Variants in CSMD3 observed in about 807,000 individuals in gnomAD.
CSMD3 encodes the protein CUB and Sushi multiple domains 3.
CSMD3 carries 177 observed loss-of-function variants against 435.2 expected under a neutral mutation model. That is an observed-to-expected ratio of 0.41 (90% confidence interval 0.36 to 0.46). CSMD3 has a LOEUF of 0.46. CSMD3 is among the 20% of genes least tolerant of loss of function. The probability of loss-of-function intolerance (pLI) is 0.34; values close to 1 mark genes in which losing one functional copy is unlikely to be tolerated. For missense variants in CSMD3, 4,265 were observed against 4,504.6 expected, an observed-to-expected ratio of 0.95 and a Z score of 1.52; for synonymous variants, 1,656 against 1,520.5, an observed-to-expected ratio of 1.09 and a Z score of -2.07.
intron 59 of CSMD3, among the ~76,000 whole-genome samples, chr8:112,273,924 T>C (rs1817768858): frequency 7.3e-6 from 1 of 137,132 alleles, no homozygotes; most frequent in South Asian, 2.3e-4. Flanking sequence ...TTTAGTGGTA[T>C]AGGTAACATA....
At chr8:113,098,257 T>A (rs1331504724) in intron 5 of CSMD3, among the ~76,000 whole-genome samples, 2 of 152,034 alleles carry the variant, frequency 1.3e-5, no homozygotes, top group African/African-American at 4.8e-5. Context: ...TACAAATTTT[T>A]AAAATAGCAT....
chr8:113,236,852 ACTAT>A (rs1365334408), intron 3 of CSMD3, among the ~76,000 whole-genome samples: 6 of 151,968 alleles, frequency 3.9e-5, no homozygotes, highest in Admixed American at 2.0e-4. Context: ...TACCTATTCA[ACTAT>A]CTATCTATTT....
chr8:112,924,282 A>G (rs1004258984), intron 9 of CSMD3, among the ~76,000 whole-genome samples: 1 of 152,310 alleles, frequency 6.6e-6, no homozygotes, highest in East Asian at 1.9e-4. Flanking sequence ...CCGAGTTTTC[A>G]TGGAGATGTT....
At chr8:112,762,401 A>T (rs1271848477) in intron 13 of CSMD3, among the ~76,000 whole-genome samples, 1 of 151,924 alleles carries the variant, frequency 6.6e-6, no homozygotes, top group East Asian at 1.9e-4. Flanking sequence ...GTTAAATGTG[A>T]TGGAGGATAT....
chr8:112,749,607 G>A (rs2077520985), intron 13 of CSMD3, among the ~76,000 whole-genome samples: 1 of 152,084 alleles, frequency 6.6e-6, no homozygotes, highest in Non-Finnish European at 1.5e-5. Context: ...CTTCAGACAT[G>A]AGGAGCACTC....
chr8:112,575,312 G>A (rs1324051834), intron 23 of CSMD3, among the ~76,000 whole-genome samples: 1 of 152,030 alleles, frequency 6.6e-6, no homozygotes, highest in Non-Finnish European at 1.5e-5. Flanking sequence ...ATAGACTCAC[G>A]TGTACCCTCT....
chr8:112,496,449 C>T (rs1821352289), intron 30 of CSMD3, among the ~76,000 whole-genome samples: 1 of 152,258 alleles, frequency 6.6e-6, no homozygotes. Flanking sequence ...AGCAATCCCA[C>T]TGCTAGTATA....
At position 112,587,817 on chromosome 8, in the gene CSMD3, T is replaced by A. The variant is rs906303725; in HGVS notation, c.3716-582A>T. Among the ~76,000 whole-genome samples the A allele has an allele frequency of 5.9e-5, 9 of 151,822 alleles. No homozygotes were observed. The East Asian group carries it at 1.7e-3, about 29-fold the overall frequency. ...AACAATAATTGTAACAAATTAGGGA[T>A]CTTTAGAAATTATATCACCTTTCTC... On this transcript the variant is annotated intron_variant, in intron 22 of 70. Transcript: ENST00000297405.
chr8:112,876,401 T>C (rs2081283003), intron 10 of CSMD3, among the ~76,000 whole-genome samples: 1 of 152,004 alleles, frequency 6.6e-6, no homozygotes, highest in Non-Finnish European at 1.5e-5. Context: ...CAGGCCAATA[T>C]CCCTGATGAA....
chr8:113,321,443 C>T (rs1381076479), intron 1 of CSMD3, among the ~76,000 whole-genome samples: 2 of 152,064 alleles, frequency 1.3e-5, no homozygotes, highest in African/African-American at 4.8e-5. Flanking sequence ...TATACACCTG[C>T]TCATCAAAGT....
intron 5 of CSMD3, among the ~76,000 whole-genome samples, chr8:113,061,603 A>C (rs1333534758): frequency 6.6e-6 from 1 of 152,102 alleles, no homozygotes; most frequent in East Asian, 1.9e-4. Flanking sequence ...TTTGTCATTA[A>C]ACTGTTTTGA....
At chr8:113,402,092 T>C (rs1358869164) in intron 1 of CSMD3, among the ~76,000 whole-genome samples, 1 of 151,544 alleles carries the variant, frequency 6.6e-6, no homozygotes, top group Non-Finnish European at 1.5e-5. Context: ...TAGGAAAGAA[T>C]TGTCTTTGCT....
chr8:113,392,749 T>G (rs943672936), intron 1 of CSMD3, among the ~76,000 whole-genome samples: 2 of 152,090 alleles, frequency 1.3e-5, no homozygotes, highest in African/African-American at 4.8e-5. Context: ...TCAAGAGTGA[T>G]GAATCTAATA....
chr8:113,266,238 A>G (rs2093470146), intron 3 of CSMD3, among the ~76,000 whole-genome samples: 1 of 151,078 alleles, frequency 6.6e-6, no homozygotes, highest in Admixed American at 6.6e-5. Flanking sequence ...ATTTCTAATA[A>G]ACATGTTTGA....
intron 32 of CSMD3, among the ~76,000 whole-genome samples, chr8:112,454,083 T>C (rs574794430): frequency 5.4e-4 from 82 of 152,310 alleles, no homozygotes; most frequent in Non-Finnish European, 1.1e-3. Context: ...CCTTTGACCA[T>C]ATATAAGAAT....
chr8:113,296,402 C>T (rs1167574062), intron 2 of CSMD3, among the ~76,000 whole-genome samples: 2 of 151,662 alleles, frequency 1.3e-5, no homozygotes, highest in Non-Finnish European at 2.9e-5. Context: ...GCCTGTAGTC[C>T]CAGCTACTCA....
At chr8:112,904,936 G>A (rs2082215634) in intron 10 of CSMD3, among the ~76,000 whole-genome samples, 1 of 151,356 alleles carries the variant, frequency 6.6e-6, no homozygotes, top group Admixed American at 6.6e-5. Context: ...CTGGATGCCT[G>A]GTGATTGGCC....
chr8:113,176,332 A>T (rs146426099), intron 3 of CSMD3, among the ~76,000 whole-genome samples: 1 of 152,176 alleles, frequency 6.6e-6, no homozygotes, highest in Admixed American at 6.6e-5. Flanking sequence ...ATCAATCCTG[A>T]TTCTATAACC....
At chr8:112,324,501 C>T (rs1398073402) in intron 45 of CSMD3, among the ~76,000 whole-genome samples, 1 of 151,796 alleles carries the variant, frequency 6.6e-6, no homozygotes, top group Non-Finnish European at 1.5e-5. Context: ...AGACAGAAGC[C>T]TGCTCTGTAT....
Sources: gnomAD v4.1 joint callset for allele counts (sites outside exome capture counted in the v4.1 genomes callset) on GRCh38, gnomAD v4.1.1 for gene constraint, MANE v1.5 for transcripts, NCBI Gene and HGNC (gene_info 2026-07-23, HGNC 2026-07-21) for gene names.